Variants in N4BP2L2 observed in about 807,000 individuals in gnomAD.
N4BP2L2 encodes NEDD4-binding protein 2-like 2.
N4BP2L2 carries 50 observed loss-of-function variants against 56.2 expected under a neutral mutation model. The observed-to-expected ratio is 0.89, with a 90% CI of 0.71 to 1.13. The LOEUF (loss-of-function observed/expected upper bound fraction) is 1.13. Among genes scored for constraint, N4BP2L2 ranks in the 50% most tolerant of loss-of-function variants. N4BP2L2 has a pLI of 0.00. For missense variants in N4BP2L2, 689 were observed against 693.8 expected (o/e 0.99, Z 0.08); for synonymous variants, 203 against 223.6 (o/e 0.91, Z 0.82).
exon 7 of N4BP2L2, chr13:32,442,907 TCTC>T (rs1337522685): frequency 8.7e-6 from 14 of 1,612,450 alleles, no homozygotes; most frequent in African/African-American, 1.3e-5. Context: ...TTTTGTTTAT[TCTC>T]CTCTTCACTG....
At chr13:32,529,979 G>C (rs183329945) in intron 2 of N4BP2L2, among the ~76,000 whole-genome samples, 21 of 152,246 alleles carry the variant, frequency 1.4e-4, no homozygotes, top group Admixed American at 1.2e-3. Flanking sequence ...TCCCACCTCA[G>C]CCTCCTAAAG....
chr13:32,487,083 T>C (rs2086048274), intron 6 of N4BP2L2, among the ~76,000 whole-genome samples: 1 of 152,126 alleles, frequency 6.6e-6, no homozygotes, highest in South Asian at 2.1e-4. Context: ...TCCCAGCTAC[T>C]CAGCAGGCTG....
intron 6 of N4BP2L2, among the ~76,000 whole-genome samples, chr13:32,496,460 TA>T (rs2088671523): frequency 6.6e-6 from 1 of 152,252 alleles, no homozygotes; most frequent in Non-Finnish European, 1.5e-5. Context: ...GCATTACTAA[TA>T]ACATTGTTAT....
chr13:32,486,478 C>T (rs1383993641), intron 6 of N4BP2L2, among the ~76,000 whole-genome samples: 1 of 151,052 alleles, frequency 6.6e-6, no homozygotes, highest in Non-Finnish European at 1.5e-5. Context: ...GAGTTCAAGA[C>T]CAGCCTGGCC....
chr13:32,535,678 A>G, intron 2 of N4BP2L2, 91 bp downstream of exon 2: 1 of 1,372,840 alleles, frequency 7.3e-7, no homozygotes, highest in Non-Finnish European at 9.9e-7. Flanking sequence ...TGTTGGGATT[A>G]CATGCATGAG....
At chr13:32,526,364 A>G (rs891602417) in intron 3 of N4BP2L2, among the ~76,000 whole-genome samples, 3 of 152,372 alleles carry the variant, frequency 2.0e-5, no homozygotes, top group Non-Finnish European at 4.4e-5. Flanking sequence ...ACTGGGTTAC[A>G]TGATCTGAAG....
At chr13:32,526,029 C>CAAAA (rs1274880215) in intron 3 of N4BP2L2, among the ~76,000 whole-genome samples, 2 of 37,412 alleles carry the variant, frequency 5.3e-5, no homozygotes, top group African/African-American at 1.2e-4. Context: ...ATCTGCTTGC[C>CAAAA]AAAAAAAAAA....
Position 32,530,054 on chromosome 13 carries a change from C to A in N4BP2L2, c.1260-2522G>T, listed in dbSNP as rs575663787. 3.3e-5 allele frequency among the ~76,000 whole-genome samples: 5 copies of A among 152,194 alleles called. No individual in the cohort carries two copies. In the South Asian group the frequency reaches 1.0e-3, roughly 32 times the overall value. On this transcript the variant is annotated intron_variant, in intron 2 of 5. Coordinates refer to ENST00000267068, the Ensembl canonical transcript of N4BP2L2. The stretch of plus-strand genomic sequence containing the variant: ...GTGATTTTTAAGATGTTAATAATAT[C>A]ATTCTACATGACAATCATATTTTTT...
Position 32,537,030 on chromosome 13 carries a change from G to T in N4BP2L2, c.1-3C>A. The T allele has an allele frequency of 1.3e-6, 2 of 1,503,294 alleles. No individual in the cohort carries two copies. Among genetic ancestry groups the T allele is most frequent in the South Asian group, 1.4e-5 (1 of 72,960 alleles). The allele number at this position is 1,503,294 out of a possible 1,614,324, so 93.1% of individuals were successfully genotyped here. On this transcript the variant is annotated splice_polypyrimidine_tract_variant and splice_region_variant and intron_variant, in intron 1 of 5. Transcript: ENST00000267068. Reference sequence around the variant, plus strand: ...CCTTCAATTTCACCATAAGACATCTGAGAAATAAATAAATCATACAATTAC... The same window carrying T: ...CCTTCAATTTCACCATAAGACATCTTAGAAATAAATAAATCATACAATTAC...
chr13:32,534,504 G>A (rs994560441), intron 2 of N4BP2L2, among the ~76,000 whole-genome samples: 7 of 152,202 alleles, frequency 4.6e-5, no homozygotes, highest in Middle Eastern at 6.8e-3. Flanking sequence ...ATGTTTGTGA[G>A]ACCTCACTCC....
At chr13:32,509,395 T>G (rs959078051), downstream of N4BP2L2, 2 of 152,196 alleles carry the variant, frequency 1.3e-5, no homozygotes, top group African/African-American at 4.8e-5. Flanking sequence ...ATAGGGGTAC[T>G]CAACTTTTAT....
At chr13:32,537,059 C>G (rs2056731990) in intron 1 of N4BP2L2, 32 bp from the exon 2 acceptor site, 2 of 1,314,750 alleles carry the variant, frequency 1.5e-6, no homozygotes, top group East Asian at 5.3e-5. Flanking sequence ...CAATTACTAG[C>G]TAATATATTA....
intron 6 of N4BP2L2, among the ~76,000 whole-genome samples, chr13:32,444,582 T>A (rs1566028759): frequency 6.6e-6 from 1 of 152,210 alleles, no homozygotes; most frequent in Non-Finnish European, 1.5e-5. Context: ...TGTACTATAT[T>A]TAAAATCACT....
At chr13:32,533,751 T>C (rs1386379770) in intron 2 of N4BP2L2, among the ~76,000 whole-genome samples, 3 of 152,086 alleles carry the variant, frequency 2.0e-5, no homozygotes, top group Admixed American at 6.6e-5. Flanking sequence ...GTCTTTTAAT[T>C]TGGTCCTCCA....
exon 7 of N4BP2L2, chr13:32,443,346 A>G: frequency 6.2e-7 from 1 of 1,614,028 alleles, no homozygotes; most frequent in South Asian, 1.1e-5. Context: ...GTCTCTGTTC[A>G]CATATAAACT....
intron 6 of N4BP2L2, among the ~76,000 whole-genome samples, chr13:32,501,821 A>G (rs992835673): frequency 7.9e-5 from 12 of 151,720 alleles, no homozygotes; most frequent in Admixed American, 7.2e-4. Context: ...TCTCTGTGAG[A>G]GATAGGGAGA....
chr13:32,490,300 TTTTG>T (rs773324677), intron 6 of N4BP2L2, among the ~76,000 whole-genome samples: 37 of 152,118 alleles, frequency 2.4e-4, no homozygotes, highest in Admixed American at 3.9e-4. Flanking sequence ...TGTTTTGTTT[TTTTG>T]TTTGTTTGTT....
At chr13:32,529,009 T>A (rs1459047222) in intron 2 of N4BP2L2, among the ~76,000 whole-genome samples, 1 of 152,212 alleles carries the variant, frequency 6.6e-6, no homozygotes, top group Non-Finnish European at 1.5e-5. Flanking sequence ...GGATTATTTA[T>A]AATACCTAAT....
intron 6 of N4BP2L2, among the ~76,000 whole-genome samples, chr13:32,462,883 A>C (rs1404951656): frequency 6.7e-6 from 1 of 148,338 alleles, no homozygotes; most frequent in East Asian, 2.0e-4. Flanking sequence ...AAAAAAAAAA[A>C]AAAAAAAAAA....
Sources: allele counts gnomAD v4.1 joint callset (sites outside exome capture counted in the v4.1 genomes callset), GRCh38; gene constraint gnomAD v4.1.1; transcripts MANE v1.5; gene names NCBI Gene and HGNC (gene_info 2026-07-23, HGNC 2026-07-21).